Variants in GUCY1A2 observed in about 807,000 individuals in gnomAD.
GUCY1A2 encodes guanylate cyclase soluble subunit alpha-2.
GUCY1A2 carries 27 observed loss-of-function variants against 63.5 expected under a neutral mutation model. That is an observed-to-expected ratio of 0.43 (90% CI 0.31 to 0.59). The LOEUF (loss-of-function observed/expected upper bound fraction) is 0.59. Among genes scored for constraint, GUCY1A2 ranks in the 20% least tolerant of loss-of-function variants. The probability of loss-of-function intolerance (pLI) is 0.11; values close to 1 mark genes in which losing one functional copy is unlikely to be tolerated. For missense variants in GUCY1A2, 768 were observed against 913.3 expected (o/e 0.84, Z 2.05); for synonymous variants, 364 against 343.5 (o/e 1.06, Z -0.66).
chr11:106,694,436 A>C (rs370064714), intron 7 of GUCY1A2, among the ~76,000 whole-genome samples: 2 of 152,156 alleles, frequency 1.3e-5, no homozygotes, highest in East Asian at 3.9e-4. Context: ...TTCCCTAGCT[A>C]CTATGGTTCT....
rs1287082241 is a variant in GUCY1A2 at position 106,679,781 on chromosome 11, G to A, written c.*7768C>T. The stretch of plus-strand genomic sequence containing the variant: ...CCTTCTTTGTTCCTTCAACCCAGAT[G>A]TTCTGACACTTTCATTTACCTTAAT... On this transcript the variant is annotated 3_prime_UTR_variant, in exon 8 of 8. Coordinates refer to ENST00000526355, the MANE Select transcript of GUCY1A2 (RefSeq NM_000855.3). The A allele has an allele frequency of 1.4e-5, 3 of 218,278 alleles. No homozygotes were observed. The highest frequency in any genetic ancestry group is 2.8e-5 in the Non-Finnish European group (3 of 108,748). The allele number at this position is 218,278 out of a possible 1,614,324, so 13.5% of individuals were successfully genotyped here.
At chr11:106,977,183 C>G (rs1310030223) in intron 3 of GUCY1A2, among the ~76,000 whole-genome samples, 1 of 152,142 alleles carries the variant, frequency 6.6e-6, no homozygotes, top group Non-Finnish European at 1.5e-5. Context: ...TCTGATACAT[C>G]CCTTTTAGTG....
intron 4 of GUCY1A2, among the ~76,000 whole-genome samples, chr11:106,859,285 CA>C (rs1011235152): frequency 1.3e-4 from 19 of 143,014 alleles, no homozygotes; most frequent in African/African-American, 4.6e-4. Flanking sequence ...TTTGTATGAA[CA>C]TTTGAACTTC....
At chr11:106,992,837 T>C (rs1032569918) in intron 1 of GUCY1A2, among the ~76,000 whole-genome samples, 4 of 152,188 alleles carry the variant, frequency 2.6e-5, no homozygotes, top group African/African-American at 9.7e-5. Context: ...TCCCCTTTCT[T>C]AGCTTTCTGT....
intron 6 of GUCY1A2, among the ~76,000 whole-genome samples, chr11:106,750,695 G>A (rs1205514123): frequency 2.0e-5 from 3 of 151,130 alleles, no homozygotes; most frequent in Non-Finnish European, 2.9e-5. Flanking sequence ...CATAACTAAG[G>A]GATTTTTCCA....
chr11:106,719,136 T>C (rs1437191350), intron 6 of GUCY1A2, among the ~76,000 whole-genome samples: 1 of 152,172 alleles, frequency 6.6e-6, no homozygotes, highest in Non-Finnish European at 1.5e-5. Context: ...GCTTCATTTT[T>C]AATAAAGTCT....
chr11:106,902,129 A>C (rs1345261883), intron 4 of GUCY1A2, among the ~76,000 whole-genome samples: 1 of 152,198 alleles, frequency 6.6e-6, no homozygotes, highest in Non-Finnish European at 1.5e-5. Context: ...GCAGGCATGC[A>C]AACAACATTT....
chr11:107,002,647 T>C (rs1177413947), intron 1 of GUCY1A2, among the ~76,000 whole-genome samples: 1 of 152,148 alleles, frequency 6.6e-6, no homozygotes, highest in African/African-American at 2.4e-5. Flanking sequence ...ACAAATGAAA[T>C]AATGTACTCT....
intron 1 of GUCY1A2, among the ~76,000 whole-genome samples, chr11:106,987,652 C>CAAA (rs59863037): frequency 9.3e-4 from 101 of 108,808 alleles, no homozygotes; most frequent in Admixed American, 2.9e-3. Flanking sequence ...GACTCTGCCT[C>CAAA]AAAAAAAAAA....
chr11:106,726,518 C>CTGTT (rs1362052023), intron 6 of GUCY1A2, among the ~76,000 whole-genome samples: 2 of 152,124 alleles, frequency 1.3e-5, no homozygotes, highest in Non-Finnish European at 2.9e-5. Context: ...GATTGTATTT[C>CTGTT]TGTTTTAGAG....
rs1035962481 is a variant in GUCY1A2 at position 106,676,290 on chromosome 11, A to T, written c.*11259T>A. 5.4e-6 allele frequency: 1 copy of T among 183,872 alleles called. No homozygotes were observed. The highest frequency in any genetic ancestry group is 2.3e-5 in the African/African-American group (1 of 42,560). The allele number at this position is 183,872 out of a possible 1,614,324, so 11.4% of individuals were successfully genotyped here. On this transcript the variant is annotated 3_prime_UTR_variant, in exon 8 of 8. Transcript: ENST00000526355. ...TGACTTATTTTCCCTTAGGAGTCAA[A>T]TACTCTGCTAGAAATGATTTAATTT...
chr11:106,899,118 G>A (rs911335347), intron 4 of GUCY1A2, among the ~76,000 whole-genome samples: 12 of 152,078 alleles, frequency 7.9e-5, no homozygotes, highest in African/African-American at 2.9e-4. Flanking sequence ...TTTAAAATCT[G>A]GTGGAACATG....
At chr11:106,950,474 T>C (rs896183245) in intron 3 of GUCY1A2, among the ~76,000 whole-genome samples, 1 of 152,242 alleles carries the variant, frequency 6.6e-6, no homozygotes, top group Non-Finnish European at 1.5e-5. Context: ...GAATGCAATC[T>C]GCCACACTGA....
intron 4 of GUCY1A2, among the ~76,000 whole-genome samples, chr11:106,897,813 T>C (rs1860072439): frequency 6.6e-6 from 1 of 151,902 alleles, no homozygotes; most frequent in Admixed American, 6.6e-5. Context: ...ACTTTTCAGA[T>C]AAGATGACAA....
chr11:106,801,354 A>G (rs1858601561), intron 5 of GUCY1A2, among the ~76,000 whole-genome samples: 1 of 152,084 alleles, frequency 6.6e-6, no homozygotes, highest in Non-Finnish European at 1.5e-5. Context: ...TAAAAAGATG[A>G]ACTCTGGTAA....
rs950544176 is a variant in GUCY1A2, at chr11:106,976,311, T to C, written c.487+2308A>G. ...TATCTTGGTTGAAATGTTGTTTTCC[T>C]GTGCCACCCCCCAACAACCTCCCAA... On this transcript the variant is annotated intron_variant, in intron 3 of 7. Transcript: ENST00000526355. Among the ~76,000 whole-genome samples the C allele has an allele frequency of 2.0e-5, 3 of 152,184 alleles. No individual in the cohort carries two copies. The East Asian group carries it at 5.8e-4, about 29-fold the overall frequency.
Position 106,940,119 on chromosome 11 carries a change from G to A in GUCY1A2, c.547C>T (p.His183Tyr). Residue 183 changes from histidine to tyrosine, a missense_variant, in exon 4 of 8, where the codon CAT becomes TAT. By Grantham distance (83) the His-to-Tyr change is moderately conservative (BLOSUM62 2). Around this residue, in one of 3 missense-constraint regions of GUCY1A2, gnomAD observed 496 missense variants for 486.9 expected, o/e 1.02. Coordinates refer to ENST00000526355, the MANE Select transcript of GUCY1A2 (RefSeq NM_000855.3). ...FGEEFFNICF[H>Y]ENERVLRAVG... ...GCTCGAAGGACTCTCTCATTCTCAT[G>A]AAAGCATATATTAAAGAACTCTTCA... 1 of 1,612,356 alleles carries A rather than the reference G, an allele frequency of 6.2e-7. No individual in the cohort carries two copies. Among genetic ancestry groups the A allele is most frequent in the Non-Finnish European group, 8.5e-7 (1 of 1,178,694 alleles).
At chr11:106,710,663 T>A (rs1863101142) in intron 6 of GUCY1A2, among the ~76,000 whole-genome samples, 1 of 151,764 alleles carries the variant, frequency 6.6e-6, no homozygotes, top group Non-Finnish European at 1.5e-5. Flanking sequence ...GTCCATGCCT[T>A]GAAAAAGCTC....
rs1270013620 is a variant in GUCY1A2 at position 106,708,505 on chromosome 11, C to G, written c.1991+7G>C. ...AGACAGGAAGGAGGAGGCCAGAGAA[C>G]ACTTACTGGTAAGTGGTTGGGCTGA... On this transcript the variant is annotated splice_region_variant and intron_variant, in intron 7 of 7. Coordinates refer to ENST00000526355, the MANE Select transcript of GUCY1A2 (RefSeq NM_000855.3). 2 of 1,607,744 alleles carry G rather than the reference C, an allele frequency of 1.2e-6. No homozygotes were observed. The highest frequency in any genetic ancestry group is 1.7e-5 in the Admixed American group (1 of 59,520).
Sources: allele counts gnomAD v4.1 joint callset (sites outside exome capture counted in the v4.1 genomes callset), GRCh38; gene constraint gnomAD v4.1.1; regional missense constraint gnomAD v4.1.1; transcripts MANE v1.5; gene names NCBI Gene and HGNC (gene_info 2026-07-23, HGNC 2026-07-21).